The following FAM228B variants were observed in gnomAD, a reference collection of about 807,000 sequenced individuals.
FAM228B encodes family with sequence similarity 228 member B.
Under a neutral mutation model 42.6 loss-of-function variants are expected in FAM228B, and 38 were observed. The observed-to-expected ratio is 0.89, with a 90% CI of 0.69 to 1.17. The LOEUF is 1.17. Ranked by LOEUF, FAM228B falls within the 50% of genes most tolerant of loss-of-function variation. The probability of loss-of-function intolerance (pLI) is 0.00; values close to 1 mark genes in which losing one functional copy is unlikely to be tolerated. For missense variants in FAM228B, 344 were observed against 367.3 expected, an observed-to-expected ratio of 0.94 and a Z score of 0.52; for synonymous variants, 109 against 122.3, an observed-to-expected ratio of 0.89 and a Z score of 0.72.
chr2:24,135,860 G>A (rs1666568076), intron 3 of FAM228B, among the ~76,000 whole-genome samples: 1 of 151,394 alleles, frequency 6.6e-6, no homozygotes, highest in Non-Finnish European at 1.5e-5. Context: ...GAATTAGTTT[G>A]TAGCCTAATC....
chr2:24,096,603 G>T (rs1240535930), intron 3 of FAM228B: 4 of 152,114 alleles, frequency 2.6e-5, no homozygotes, highest in Non-Finnish European at 5.9e-5. Flanking sequence ...AAAAAGACAT[G>T]AACAAAGCCT....
At chr2:24,143,153 C>CCTTTTTCTTTT (rs1666796128) in intron 5 of FAM228B, among the ~76,000 whole-genome samples, 1 of 151,856 alleles carries the variant, frequency 6.6e-6, no homozygotes, top group African/African-American at 2.4e-5. Flanking sequence ...AATACTCCTA[C>CCTTTTTCTTTT]CTTTTTCTTT....
chr2:24,166,851 C>T (rs551855014), intron 9 of FAM228B, among the ~76,000 whole-genome samples: 41 of 151,134 alleles, frequency 2.7e-4, no homozygotes, highest in African/African-American at 8.3e-4. Context: ...AAGAGTGTTG[C>T]GCAGATGGAT....
At chr2:24,156,289 C>T (rs181704825) in intron 7 of FAM228B, among the ~76,000 whole-genome samples, 180 of 152,250 alleles carry the variant, frequency 1.2e-3, no homozygotes, top group African/African-American at 4.2e-3. Flanking sequence ...TATCCCTTTA[C>T]TTAATCCAGC....
At chr2:24,146,865 C>T (rs774321750) in intron 6 of FAM228B, 30 bp downstream of exon 6, 1 of 1,540,360 alleles carries the variant, frequency 6.5e-7, no homozygotes, top group South Asian at 1.2e-5. Flanking sequence ...TATGTGATTT[C>T]ATAGCCCAAG....
intron 9 of FAM228B, among the ~76,000 whole-genome samples, chr2:24,164,667 A>C (rs1212321788): frequency 1.3e-5 from 2 of 152,178 alleles, no homozygotes; most frequent in Non-Finnish European, 2.9e-5. Flanking sequence ...TCAGTCCGCC[A>C]TCTCCACCCT....
At chr2:24,123,275 G>C (rs1329272481), upstream of FAM228B, 2 of 152,140 alleles carry the variant, frequency 1.3e-5, no homozygotes, top group East Asian at 3.9e-4. Context: ...GCAAGGACCC[G>C]GCGACCAAGG....
At chr2:24,090,055 C>G (rs1418182017) in intron 2 of FAM228B, among the ~76,000 whole-genome samples, 1 of 151,000 alleles carries the variant, frequency 6.6e-6, no homozygotes, top group East Asian at 1.9e-4. Flanking sequence ...GGGCGGATCA[C>G]GAGGTCAGGA....
intron 3 of FAM228B, among the ~76,000 whole-genome samples, chr2:24,101,864 A>T (rs1665616153): frequency 6.6e-6 from 1 of 152,056 alleles, no homozygotes; most frequent in African/African-American, 2.4e-5. Context: ...TTGTATTTTT[A>T]GTAGATACCG....
rs1191118541 is a variant in FAM228B, at chr2:24,125,630, G to A, written c.99+1170G>A. ...GCCAGGAAAACACTGGCGTGATCTC[G>A]GCTCAATGCAACCTCTACCTCCCGG... is the stretch of plus-strand genomic sequence containing the variant. On this transcript the variant is annotated intron_variant, in intron 2 of 10. Coordinates refer to ENST00000615575, the MANE Select transcript of FAM228B (RefSeq NM_001145710.2). Among the ~76,000 whole-genome samples the A allele has an allele frequency of 4.0e-5, 6 of 151,276 alleles. No homozygotes were observed. The East Asian group carries it at 5.8e-4, about 15-fold the overall frequency.
intron 2 of FAM228B, among the ~76,000 whole-genome samples, chr2:24,133,154 T>G (rs899976290): frequency 1.3e-5 from 2 of 152,150 alleles, no homozygotes; most frequent in African/African-American, 4.8e-5. Flanking sequence ...GGCAAGTTAA[T>G]AAAAAACTGG....
rs548264853 is a variant in FAM228B, at chr2:24,132,464, G to GTTTTTTTTTTTTT, written c.100-2641_100-2629dup. ...CATGAATCCCTCTGGTCCTGGGATTGTTTTTTTTTTTTTTTTTTTTTTTTT... is the reference window on the plus strand; with the variant it reads ...CATGAATCCCTCTGGTCCTGGGATTGTTTTTTTTTTTTTTTTTTTTTTTTTTTTTTTTTTTTTT... On this transcript the variant is annotated intron_variant, in intron 2 of 10. Coordinates refer to ENST00000615575, the MANE Select transcript of FAM228B (RefSeq NM_001145710.2). 2.3e-4 allele frequency among the ~76,000 whole-genome samples: 13 copies of GTTTTTTTTTTTTT among 56,004 alleles called. 1 individual carries two copies. The highest frequency in any genetic ancestry group is 6.2e-4 in the East Asian group (1 of 1,610). 36.7% of individuals were successfully genotyped at this position (56,004 alleles called of 152,430 possible).
intron 5 of FAM228B, among the ~76,000 whole-genome samples, chr2:24,145,839 C>T (rs1250299454): frequency 6.6e-6 from 1 of 151,978 alleles, no homozygotes; most frequent in African/African-American, 2.4e-5. Context: ...TAGGCGCCCG[C>T]CACCACGCCT....
intron 2 of FAM228B, among the ~76,000 whole-genome samples, 178 bp from the exon 3 acceptor site, chr2:24,134,941 A>G (rs573353217): frequency 2.6e-5 from 4 of 152,366 alleles, no homozygotes; most frequent in African/African-American, 7.2e-5. Context: ...CGACAGAACA[A>G]GACTCTGTCT....
chr2:24,086,124 A>G (rs1558364832), intron 2 of FAM228B, among the ~76,000 whole-genome samples: 2 of 150,752 alleles, frequency 1.3e-5, no homozygotes, highest in Non-Finnish European at 3.0e-5. Context: ...AGTCCCAGCT[A>G]TTCGGGAGGC....
At chr2:24,143,099 A>G (rs545647204) in intron 5 of FAM228B, among the ~76,000 whole-genome samples, 1 of 152,378 alleles carries the variant, frequency 6.6e-6, no homozygotes, top group East Asian at 1.9e-4. Context: ...GTTTGGGTAT[A>G]GTATCAAAAA....
intron 3 of FAM228B, chr2:24,115,651 A>G: frequency 6.3e-7 from 1 of 1,592,714 alleles, no homozygotes; most frequent in Non-Finnish European, 8.6e-7. Context: ...TATGAGCTGC[A>G]AATTATCACT....
At chr2:24,139,557 T>C (rs1666698837) in intron 5 of FAM228B, 107 bp downstream of exon 5, 3 of 533,526 alleles carry the variant, frequency 5.6e-6, no homozygotes, top group African/African-American at 3.9e-5. Flanking sequence ...TGCAGTAACA[T>C]TTTAAGCATA....
chr2:24,156,774 G>GC (rs370569150), intron 7 of FAM228B, among the ~76,000 whole-genome samples: 809 of 11,206 alleles, frequency 0.072, 11 homozygotes, highest in Middle Eastern at 0.25. Context: ...ATTTCTTTCC[G>GC]CCCCCCCCCC....
Sources: gnomAD v4.1 joint callset for allele counts (sites outside exome capture counted in the v4.1 genomes callset) on GRCh38, gnomAD v4.1.1 for gene constraint, MANE v1.5 for transcripts, NCBI Gene and HGNC (gene_info 2026-07-23, HGNC 2026-07-21) for gene names.